The following CREM variants were observed in gnomAD, a reference collection of about 807,000 sequenced individuals.
CREM encodes the protein cAMP responsive element modulator, also known as cAMP-responsive element modulator.
CREM carries 13 observed loss-of-function variants against 37.3 expected under a neutral mutation model. The ratio of observed to expected loss-of-function variants is 0.35; its 90% confidence interval spans 0.23 to 0.55. The LOEUF (loss-of-function observed/expected upper bound fraction) is 0.55. Among genes scored for constraint, CREM ranks in the 20% least tolerant of loss-of-function variants. The probability of loss-of-function intolerance (pLI) is 0.88; values close to 1 mark genes in which losing one functional copy is unlikely to be tolerated. For synonymous variants in CREM, 124 were observed against 120.2 expected (o/e 1.03, Z -0.21); for missense variants, 296 against 362.3 (o/e 0.82, Z 1.49).
intron 6 of CREM, among the ~76,000 whole-genome samples, chr10:35,194,097 CAAA>C (rs371978117): frequency 0.036 from 893 of 24,918 alleles, no homozygotes; most frequent in Non-Finnish European, 0.05. Flanking sequence ...GACTTCATCT[CAAA>C]AAAAAAAAAA....
At chr10:35,175,626 A>G (rs2094020613) in intron 3 of CREM, 7 of 1,593,970 alleles carry the variant, frequency 4.4e-6, no homozygotes, top group Non-Finnish European at 4.3e-6. Flanking sequence ...ATGGGCACCA[A>G]AAGCGATAAG....
chr10:35,176,849 G>A (rs1017463703), intron 3 of CREM, among the ~76,000 whole-genome samples: 2 of 152,052 alleles, frequency 1.3e-5, no homozygotes, highest in African/African-American at 2.4e-5. Flanking sequence ...TATCCCTCTC[G>A]ATTAAACCTT....
At chr10:35,200,062 C>T (rs563263091) in intron 6 of CREM, among the ~76,000 whole-genome samples, 253 of 151,740 alleles carry the variant, frequency 1.7e-3, no homozygotes, top group Non-Finnish European at 3.0e-3. Context: ...GCTAATTTTG[C>T]ATTTTTAGTA....
At chr10:35,170,686 A>G (rs971491957) in intron 3 of CREM, among the ~76,000 whole-genome samples, 2 of 152,250 alleles carry the variant, frequency 1.3e-5, no homozygotes, top group African/African-American at 4.8e-5. Context: ...GTGTATTTGC[A>G]TAGAGGTGTT....
intron 7 of CREM, among the ~76,000 whole-genome samples, chr10:35,207,728 C>T (rs946882731): frequency 1.3e-5 from 2 of 151,952 alleles, no homozygotes. Context: ...GAGCTGAGGT[C>T]GCGCCACTGG....
chr10:35,139,432 A>C (rs548895728), intron 2 of CREM, among the ~76,000 whole-genome samples: 7 of 152,000 alleles, frequency 4.6e-5, no homozygotes, highest in Non-Finnish European at 1.0e-4. Flanking sequence ...CATTTTAGCA[A>C]ATTTTTACCT....
chr10:35,188,049 C>T, intron 5 of CREM, 151 bp from the exon 6 acceptor site: 1 of 710,366 alleles, frequency 1.4e-6, no homozygotes, highest in Non-Finnish European at 2.3e-6. Context: ...CATGACGAAG[C>T]TGATCTTCCT....
chr10:35,157,477 A>G (rs1445180129), intron 3 of CREM, among the ~76,000 whole-genome samples: 1 of 151,970 alleles, frequency 6.6e-6, no homozygotes, highest in Non-Finnish European at 1.5e-5. Flanking sequence ...ACCAGAAAAT[A>G]TACAAATATT....
chr10:35,164,847 C>T (rs990693261), intron 3 of CREM, among the ~76,000 whole-genome samples: 48 of 152,056 alleles, frequency 3.2e-4, no homozygotes, highest in African/African-American at 1.0e-3. Flanking sequence ...CTCAGGAGTT[C>T]GAGACGAGCC....
Position 35,183,905 on chromosome 10 carries a change from T to C in CREM, c.410-4295T>C, listed in dbSNP as rs537422969. Reference sequence around the variant, plus strand: ...GCCTGGCCAACATGGTGAAACCCCATCTCTACTGAAAATACAAAATTAGCC... The same window carrying C: ...GCCTGGCCAACATGGTGAAACCCCACCTCTACTGAAAATACAAAATTAGCC... On this transcript the variant is annotated intron_variant, in intron 5 of 7. Coordinates refer to ENST00000685392, the MANE Select transcript of CREM (RefSeq NM_183011.2). Among the ~76,000 whole-genome samples, 387 of 152,234 alleles carry C rather than the reference T, an allele frequency of 2.5e-3. 3 individuals are homozygous for C. Among genetic ancestry groups the C allele is most frequent in the African/African-American group, 9.0e-3 (375 of 41,548 alleles).
intron 7 of CREM, among the ~76,000 whole-genome samples, 200 bp downstream of exon 7, chr10:35,207,251 G>A (rs572967723): frequency 2.2e-4 from 34 of 151,780 alleles, no homozygotes; most frequent in Non-Finnish European, 4.7e-4. Flanking sequence ...AAAATTCGCC[G>A]GGCGTGGTGG....
intron 3 of CREM, among the ~76,000 whole-genome samples, chr10:35,167,117 G>A (rs1232279059): frequency 1.3e-5 from 2 of 152,248 alleles, no homozygotes; most frequent in East Asian, 3.9e-4. Context: ...CTCCATCCTG[G>A]GTGACAGAGC....
intron 6 of CREM, among the ~76,000 whole-genome samples, chr10:35,198,199 T>A (rs1034890481): frequency 6.6e-6 from 1 of 152,068 alleles, no homozygotes; most frequent in African/African-American, 2.4e-5. Context: ...ATTAGCAGCA[T>A]TTACCTACAG....
At position 35,202,679 on chromosome 10, in the gene CREM, A is replaced by G. The variant is rs552784941; in HGVS notation, c.599-4216A>G. ...ATCCTTTGGGATATTATAGAAATTT[A>G]TACAAATTCCTACTAATTTATACTA... On this transcript the variant is annotated intron_variant, in intron 6 of 7. Coordinates refer to ENST00000685392, the MANE Select transcript of CREM (RefSeq NM_183011.2). 3.3e-4 allele frequency among the ~76,000 whole-genome samples: 51 copies of G among 152,362 alleles called. No individual in the cohort carries two copies. In the South Asian group the frequency reaches 5.0e-3, roughly 15 times the overall value.
intron 6 of CREM, among the ~76,000 whole-genome samples, chr10:35,203,028 A>G (rs1380365095): frequency 6.6e-6 from 1 of 152,120 alleles, no homozygotes; most frequent in East Asian, 1.9e-4. Context: ...ATACAAGGCC[A>G]ATGAATGAAC....
At chr10:35,140,093 A>T (rs138779926) in intron 2 of CREM, among the ~76,000 whole-genome samples, 92 of 152,288 alleles carry the variant, frequency 6.0e-4, no homozygotes, top group African/African-American at 2.1e-3. Flanking sequence ...TTGAAATAGC[A>T]TATCTATTTT....
At chr10:35,179,079 GTTT>G in intron 4 of CREM, 52 bp from the exon 5 acceptor site, 1 of 1,550,056 alleles carries the variant, frequency 6.5e-7, no homozygotes, top group Non-Finnish European at 8.8e-7. Flanking sequence ...TAGCTTTTCT[GTTT>G]TAAGACTTAT....
At chr10:35,137,547 A>C (rs2135599038) in intron 1 of CREM, among the ~76,000 whole-genome samples, 1 of 152,306 alleles carries the variant, frequency 6.6e-6, no homozygotes, top group East Asian at 1.9e-4. Context: ...TAGGAAGATA[A>C]GAAAAATACA....
rs1391866224 is a variant in CREM, at chr10:35,189,577, G to A, written c.598+1189G>A. On this transcript the variant is annotated intron_variant, in intron 6 of 7. Coordinates refer to ENST00000685392, the MANE Select transcript of CREM (RefSeq NM_183011.2). ...GTTGCCCAGGCTGGAGTGCAGTGGC[G>A]CGATCTCGGCTCACTGCGACCTCCG... is the stretch of plus-strand genomic sequence containing the variant. Among the ~76,000 whole-genome samples the A allele has an allele frequency of 3.3e-5, 5 of 151,922 alleles. No individual in the cohort carries two copies. In the South Asian group the frequency reaches 6.2e-4, roughly 19 times the overall value.
Sources: gnomAD v4.1 joint callset for allele counts (sites outside exome capture counted in the v4.1 genomes callset) on GRCh38, gnomAD v4.1.1 for gene constraint, MANE v1.5 for transcripts, NCBI Gene and HGNC (gene_info 2026-07-23, HGNC 2026-07-21) for gene names.